The following GRK2 variants were observed in gnomAD, a reference collection of about 807,000 sequenced individuals.
The protein encoded by GRK2 is G protein-coupled receptor kinase 2.
Under a neutral mutation model 97.8 loss-of-function variants are expected in GRK2, and 23 were observed. The observed-to-expected ratio is 0.24, with a 90% CI of 0.17 to 0.33. The LOEUF is 0.33. GRK2 is among the 10% of genes least tolerant of loss of function. GRK2 has a pLI of 1.00. For synonymous variants in GRK2, 425 were observed against 381.7 expected (o/e 1.11, Z -1.32); for missense variants, 633 against 956.9 (o/e 0.66, Z 4.47).
At position 67,282,309 on chromosome 11, in the gene GRK2, G is replaced by C; in HGVS notation, c.996G>C (p.Arg332=). 1.2e-6 allele frequency: 2 copies of C among 1,613,556 alleles called. No individual in the cohort carries two copies. The highest frequency in any genetic ancestry group is 1.1e-5 in the South Asian group (1 of 91,082). Residue 332 remains arginine, a synonymous_variant, in exon 12 of 21, where the codon CGG becomes CGC. Coordinates refer to ENST00000308595, the MANE Select transcript of GRK2 (RefSeq NM_001619.5). This position sits in a 1 kb window ranked among gnomAD's most constrained non-coding sequence, Gnocchi z 6.9. ...NILLDEHGHV[R]ISDLGLACDF... is the part of the protein sequence containing the mutation. The stretch of plus-strand genomic sequence containing the variant: ...TTCTGGACGAGCATGGCCACGTGCG[G>C]ATCTCGGACCTGGGCCTGGCCTGTG...
chr11:67,271,542 G>A (rs532353556), intron 1 of GRK2, among the ~76,000 whole-genome samples: 1 of 152,364 alleles, frequency 6.6e-6, no homozygotes, highest in East Asian at 1.9e-4. Context: ...GCAGATTACG[G>A]TCTCCATGTC....
At chr11:67,285,016 G>A in intron 19 of GRK2, 33 bp downstream of exon 19, 1 of 1,612,098 alleles carries the variant, frequency 6.2e-7, no homozygotes, top group South Asian at 1.1e-5. Context: ...CGGGAGCCGG[G>A]CTTCCGGGTG....
In GRK2 at chr11:67,286,298, G is replaced by T; in HGVS notation, c.*848G>T. 1.5e-6 allele frequency: 1 copy of T among 651,314 alleles called. No individual in the cohort carries two copies. The highest frequency in any genetic ancestry group is 1.6e-5 in the South Asian group (1 of 61,466). The allele number at this position is 651,314 out of a possible 1,614,324, so 40.3% of individuals were successfully genotyped here. ...GGCCTATCAGTGTGCCCCCCATCCT[G>T]GCCCATCAGTGTACCCCCGCCCAGG... On this transcript the variant is annotated 3_prime_UTR_variant, in exon 21 of 21. Coordinates refer to ENST00000308595, the MANE Select transcript of GRK2 (RefSeq NM_001619.5).
At chr11:67,277,082 G>T in intron 1 of GRK2, 190 bp from the exon 2 acceptor site, 1 of 514,062 alleles carries the variant, frequency 1.9e-6, no homozygotes, top group South Asian at 2.5e-5. Flanking sequence ...GGCGGGGGCG[G>T]TGCAGGCAAA....
chr11:67,271,808 C>T (rs368610269), intron 1 of GRK2, among the ~76,000 whole-genome samples: 9 of 152,186 alleles, frequency 5.9e-5, no homozygotes, highest in Admixed American at 2.6e-4. Flanking sequence ...TCTGTGGCCC[C>T]GTCCTTGTTC....
chr11:67,274,315 T>C (rs1046639994), intron 1 of GRK2, among the ~76,000 whole-genome samples: 3 of 151,756 alleles, frequency 2.0e-5, no homozygotes, highest in Non-Finnish European at 4.4e-5. Context: ...CCCGCCAAGC[T>C]GGCACCATTT....
intron 6 of GRK2, 184 bp from the exon 7 acceptor site, chr11:67,280,548 G>C: frequency 1.4e-6 from 1 of 701,318 alleles, no homozygotes; most frequent in Non-Finnish European, 2.5e-6. Context: ...AAGCAGCCCT[G>C]ACTGGTGCTG....
chr11:67,283,296 C>A, intron 15 of GRK2, 68 bp downstream of exon 15: 1 of 1,389,410 alleles, frequency 7.2e-7, no homozygotes, highest in Non-Finnish European at 1.0e-6. Flanking sequence ...TGTGTCCCGT[C>A]ACCTGGAACC....
chr11:67,286,040 G>A lies in GRK2; in HGVS notation c.*590G>A, dbSNP rs570666143. ...TCCACTCCCACTTCCCTGACACTGC[G>A]GGGCTTGGCTGAGAGAGTGGCATTG... On this transcript the variant is annotated 3_prime_UTR_variant, in exon 21 of 21. Transcript: ENST00000308595. The A allele has an allele frequency of 4.7e-5, 13 of 279,068 alleles. No homozygotes were observed. The highest frequency in any genetic ancestry group is 1.6e-4 in the African/African-American group (7 of 44,136). 17.3% of individuals were successfully genotyped at this position (279,068 alleles called of 1,614,324 possible).
chr11:67,270,503 T>C (rs1294688676), intron 1 of GRK2, among the ~76,000 whole-genome samples: 2 of 152,138 alleles, frequency 1.3e-5, no homozygotes, highest in African/African-American at 4.8e-5. Flanking sequence ...AGCCAGAACT[T>C]CCTGCCCTCG....
At chr11:67,270,069 G>A (rs921954730) in intron 1 of GRK2, among the ~76,000 whole-genome samples, 4 of 152,310 alleles carry the variant, frequency 2.6e-5, no homozygotes, top group African/African-American at 7.2e-5. Flanking sequence ...CCCTTAGCCC[G>A]ACTGGACCTG....
chr11:67,284,728 G>A, intron 18 of GRK2, 119 bp from the exon 19 acceptor site: 1 of 1,324,244 alleles, frequency 7.6e-7, no homozygotes, highest in Non-Finnish European at 1.0e-6. Flanking sequence ...GGTGGAGGTT[G>A]CAGTGAGCCA....
At chr11:67,271,504 G>T (rs1859906790) in intron 1 of GRK2, among the ~76,000 whole-genome samples, 1 of 152,248 alleles carries the variant, frequency 6.6e-6, no homozygotes, top group African/African-American at 2.4e-5. Context: ...AATTCTGGAA[G>T]TTTGTTCTTG....
chr11:67,268,831 G>A (rs1159245990), intron 1 of GRK2, among the ~76,000 whole-genome samples: 2 of 152,206 alleles, frequency 1.3e-5, no homozygotes, highest in African/African-American at 4.8e-5. Context: ...TGTGAAGCTG[G>A]CAAGGCCATG....
In GRK2 at chr11:67,281,368, C is replaced by T; in HGVS notation, c.648-91C>T. On this transcript the variant is annotated intron_variant, in intron 8 of 20. Transcript: ENST00000308595. This position sits in a 1 kb window ranked among gnomAD's most constrained non-coding sequence, Gnocchi z 5.7. ...CTCTGATTTGTGTCACACGCTGGTC[C>T]TGGGTCTAGTCTTTCCCTCAAGCGC... is the stretch of plus-strand genomic sequence containing the variant. The T allele has an allele frequency of 7.8e-7, 1 of 1,282,294 alleles. No homozygotes were observed. The highest frequency in any genetic ancestry group is 1.1e-6 in the Non-Finnish European group (1 of 893,710). 79.4% of individuals were successfully genotyped at this position (1,282,294 alleles called of 1,614,324 possible).
rs1860147442 is a variant in GRK2 at position 67,281,393 on chromosome 11, C to T, written c.648-66C>T. 3 of 1,449,070 alleles carry T rather than the reference C, an allele frequency of 2.1e-6. No individual in the cohort carries two copies. Among genetic ancestry groups the T allele is most frequent in the Non-Finnish European group, 2.9e-6 (3 of 1,035,176 alleles). The allele number at this position is 1,449,070 out of a possible 1,614,324, so 89.8% of individuals were successfully genotyped here. On this transcript the variant is annotated intron_variant, in intron 8 of 20. Coordinates refer to ENST00000308595, the MANE Select transcript of GRK2 (RefSeq NM_001619.5). This position sits in a 1 kb window ranked among gnomAD's most constrained non-coding sequence, Gnocchi z 5.7. ...CTGGGTCTAGTCTTTCCCTCAAGCG[C>T]CCCCTGAGGCAGCCCTGGGCCCCTG...
intron 1 of GRK2, among the ~76,000 whole-genome samples, chr11:67,268,370 A>G (rs886988919): frequency 2.6e-5 from 4 of 152,140 alleles, no homozygotes; most frequent in African/African-American, 7.2e-5. Flanking sequence ...TTTTTTTCTA[A>G]GACATTTGCA....
Position 67,284,294 on chromosome 11 carries a change from C to T in GRK2, c.1575C>T (p.Val525=). The T allele has an allele frequency of 6.2e-7, 1 of 1,613,486 alleles. No homozygotes were observed. The highest frequency in any genetic ancestry group is 8.5e-7 in the Non-Finnish European group (1 of 1,179,992). The change falls in exon 18 of 21, where the codon GTC becomes GTT. Residue 525 remains valine, a synonymous_variant. Coordinates refer to ENST00000308595, the MANE Select transcript of GRK2 (RefSeq NM_001619.5). ...ERWQQEVAET[V]FDTINAETDR... ...GGCAGCAGGAGGTGGCAGAGACTGT[C>T]TTCGACACCATCAACGCTGAGACAG...
chr11:67,279,593 CTGA>C (rs1860106761), intron 4 of GRK2, 30 bp from the exon 5 acceptor site: 2 of 1,612,808 alleles, frequency 1.2e-6, no homozygotes, highest in Non-Finnish European at 1.7e-6. Flanking sequence ...GAGGACCCTG[CTGA>C]GAATTCATGG....
Sources: gnomAD v4.1 joint callset for allele counts (sites outside exome capture counted in the v4.1 genomes callset) on GRCh38, gnomAD v4.1.1 for gene constraint, Gnocchi (gnomAD v3.1) non-coding constraint, MANE v1.5 for transcripts, NCBI Gene and HGNC (gene_info 2026-07-23, HGNC 2026-07-21) for gene names.